Variants in LPIN1 observed in about 807,000 individuals in gnomAD.
LPIN1 encodes the protein lipin 1, also known as phosphatidate phosphatase LPIN1.
Under a neutral mutation model 107.5 loss-of-function variants are expected in LPIN1, and 71 were observed. The observed-to-expected ratio is 0.66, with a 90% CI of 0.55 to 0.80. LPIN1 has a LOEUF of 0.80. Ranked by LOEUF, LPIN1 falls within the 30% of genes least tolerant of loss-of-function variation. The pLI, the probability that LPIN1 is intolerant of heterozygous loss-of-function variation, is 0.00. For missense variants in LPIN1, 1,043 were observed against 1,160.6 expected, an observed-to-expected ratio of 0.90 and a Z score of 1.47; for synonymous variants, 445 against 452.6, an observed-to-expected ratio of 0.98 and a Z score of 0.21.
At chr2:11,750,140 C>T (rs189022138) in intron 1 of LPIN1, among the ~76,000 whole-genome samples, 1 of 152,164 alleles carries the variant, frequency 6.6e-6, no homozygotes, top group Non-Finnish European at 1.5e-5. Context: ...TGCCCTCTGT[C>T]CCCTAGCCAC....
At chr2:11,705,645 G>A (rs1663088497) in intron 1 of LPIN1, among the ~76,000 whole-genome samples, 1 of 152,166 alleles carries the variant, frequency 6.6e-6, no homozygotes, top group Admixed American at 6.5e-5. Context: ...GCTGGATGTA[G>A]TAAGCTGAAT....
intron 1 of LPIN1, among the ~76,000 whole-genome samples, chr2:11,725,250 G>A (rs1482793002): frequency 1.3e-5 from 2 of 151,406 alleles, no homozygotes; most frequent in Non-Finnish European, 2.9e-5. Flanking sequence ...GACAGAGCGA[G>A]ACTCCGTCTC....
At chr2:11,753,301 C>T (rs972380180) in intron 1 of LPIN1, among the ~76,000 whole-genome samples, 2 of 152,212 alleles carry the variant, frequency 1.3e-5, no homozygotes, top group Non-Finnish European at 2.9e-5. Context: ...CTCTGACTTG[C>T]AGGGCCTCTG....
At chr2:11,700,681 G>A (rs1410045115) in intron 1 of LPIN1, among the ~76,000 whole-genome samples, 1 of 152,176 alleles carries the variant, frequency 6.6e-6, no homozygotes, top group Admixed American at 6.5e-5. Context: ...TGGATAGGCT[G>A]TATGAAGCCG....
intron 1 of LPIN1, among the ~76,000 whole-genome samples, chr2:11,693,044 T>C (rs1451948252): frequency 6.6e-6 from 1 of 151,972 alleles, no homozygotes; most frequent in Non-Finnish European, 1.5e-5. Flanking sequence ...CCAGTTTTGA[T>C]TGGAAGGAAG....
Position 11,819,464 on chromosome 2 carries a change from G to C in LPIN1, c.2403-20G>C. On this transcript the variant is annotated intron_variant, in intron 18 of 20. Transcript: ENST00000674199. The stretch of plus-strand genomic sequence containing the variant: ...GAAGCTTAGCCTCTCATGTTAATCT[G>C]TTATTTATTTGTTTAACAGAGAAGT... 1 of 1,451,966 alleles carries C rather than the reference G, an allele frequency of 6.9e-7. No homozygotes were observed. The highest frequency in any genetic ancestry group is 9.7e-7 in the Non-Finnish European group (1 of 1,032,012). 89.9% of individuals were successfully genotyped at this position (1,451,966 alleles called of 1,614,324 possible).
Position 11,771,817 on chromosome 2 carries a change from T to A in LPIN1, c.596+138T>A. On this transcript the variant is annotated intron_variant, in intron 4 of 20. Coordinates refer to ENST00000674199, the MANE Select transcript of LPIN1 (RefSeq NM_001349206.2). This position sits in a 1 kb window ranked among gnomAD's most constrained non-coding sequence, Gnocchi z 4.8. The stretch of plus-strand genomic sequence containing the variant: ...CAGTGGTCCCCAACCTTTTTGGCAC[T>A]AGGGACCAGTTTTGTGGAAGACAGT... 1.2e-6 allele frequency: 1 copy of A among 864,848 alleles called. No individual in the cohort carries two copies. The highest frequency in any genetic ancestry group is 1.7e-5 in the African/African-American group (1 of 58,840). 53.6% of individuals were successfully genotyped at this position (864,848 alleles called of 1,614,324 possible). A position where few individuals can be genotyped will look rare whatever the true frequency, so the allele number is the denominator to read the frequency against.
At position 11,701,300 on chromosome 2, in the gene LPIN1, A is replaced by G. The variant is rs995082519; in HGVS notation, c.82-12456A>G. On this transcript the variant is annotated intron_variant, in intron 1 of 21. Coordinates refer to the LPIN1 transcript ENST00000449576. The stretch of plus-strand genomic sequence containing the variant: ...CTGCATCTGTTTTTCCTGCTTGGCT[A>G]TGAGTAACTCAAGTGATCCTGTCTT... Among the ~76,000 whole-genome samples, 8 of 152,254 alleles carry G rather than the reference A, an allele frequency of 5.3e-5. No homozygotes were observed. The East Asian group carries it at 1.2e-3, about 22-fold the overall frequency.
Position 11,767,771 on chromosome 2 carries a change from A to C in LPIN1, c.201A>C (p.Ile67=). The C allele has an allele frequency of 6.2e-7, 1 of 1,608,166 alleles. No homozygotes were observed. The highest frequency in any genetic ancestry group is 8.5e-7 in the Non-Finnish European group (1 of 1,174,450). Residue 67 remains isoleucine (I), a synonymous_variant, in exon 3 of 21, where the codon ATA becomes ATC. Coordinates refer to ENST00000674199, the MANE Select transcript of LPIN1 (RefSeq NM_001349206.2). ...CCATGTTTTCCCTTCAGGTTGACAT[A>C]GAAATCAATGGGGAATCTGTGGATT... ...VLRSREKVVD[I]EINGESVDLH... is the part of the protein sequence containing the mutation.
At chr2:11,734,412 C>T (rs1665578250) in intron 1 of LPIN1, among the ~76,000 whole-genome samples, 1 of 152,184 alleles carries the variant, frequency 6.6e-6, no homozygotes, top group South Asian at 2.1e-4. Flanking sequence ...CAAATACAAC[C>T]CATTGTTTAC....
intron 10 of LPIN1, among the ~76,000 whole-genome samples, chr2:11,785,717 G>T (rs1674452097): frequency 6.6e-6 from 1 of 152,132 alleles, no homozygotes; most frequent in Non-Finnish European, 1.5e-5. Flanking sequence ...AGGGGCCGAG[G>T]CTGTGTACTT....
intron 14 of LPIN1, among the ~76,000 whole-genome samples, chr2:11,795,855 A>G (rs916269662): frequency 6.6e-6 from 1 of 152,218 alleles, no homozygotes; most frequent in Non-Finnish European, 1.5e-5. Flanking sequence ...ACATGGAAAT[A>G]AGTTTCACTT....
chr2:11,720,386 T>C (rs910640201), upstream of LPIN1, among the ~76,000 whole-genome samples: 17 of 152,184 alleles, frequency 1.1e-4, no homozygotes, highest in African/African-American at 4.1e-4. Context: ...TTCCCTCCTA[T>C]AGCATCTGTC....
intron 20 of LPIN1, among the ~76,000 whole-genome samples, chr2:11,822,700 T>A (rs941754638): frequency 2.6e-5 from 4 of 152,116 alleles, no homozygotes; most frequent in African/African-American, 9.7e-5. Context: ...AGATGAGATT[T>A]GGGTGGGGAC....
intron 1 of LPIN1, among the ~76,000 whole-genome samples, chr2:11,709,993 C>T (rs1321405435): frequency 6.6e-6 from 1 of 152,180 alleles, no homozygotes; most frequent in Non-Finnish European, 1.5e-5. Context: ...TGACCTGGGT[C>T]TTAATCTTAA....
intron 3 of LPIN1, among the ~76,000 whole-genome samples, chr2:11,768,858 C>T (rs1009553977): frequency 3.1e-4 from 47 of 152,208 alleles, no homozygotes; most frequent in African/African-American, 1.1e-3. Context: ...ATGGCGTGAA[C>T]CCGGGAGGCG....
chr2:11,817,957 AAAAG>A (rs1680878532), intron 18 of LPIN1: 1 of 153,094 alleles, frequency 6.5e-6, no homozygotes, highest in Non-Finnish European at 1.4e-5. Flanking sequence ...AAAAAAAAAA[AAAAG>A]ACTGCCCTGC....
intron 1 of LPIN1, among the ~76,000 whole-genome samples, chr2:11,686,613 G>A (rs1662016474): frequency 6.6e-6 from 1 of 152,106 alleles, no homozygotes; most frequent in South Asian, 2.1e-4. Flanking sequence ...GCCATGGCCT[G>A]GGCACCACGG....
At chr2:11,734,869 G>C (rs953135545) in intron 1 of LPIN1, among the ~76,000 whole-genome samples, 1 of 152,232 alleles carries the variant, frequency 6.6e-6, no homozygotes, top group Non-Finnish European at 1.5e-5. Context: ...TATTGCATGA[G>C]AGAGAATGCA....
Sources: gnomAD v4.1 joint callset for allele counts (sites outside exome capture counted in the v4.1 genomes callset) on GRCh38, gnomAD v4.1.1 for gene constraint, Gnocchi (gnomAD v3.1) non-coding constraint, MANE v1.5 for transcripts, NCBI Gene and HGNC (gene_info 2026-07-23, HGNC 2026-07-21) for gene names.